Variants in EFR3A observed in about 807,000 individuals in gnomAD.
The protein encoded by EFR3A is EFR3 homolog A.
In EFR3A, 76 loss-of-function variants were observed where a neutral mutation model predicts 104.4. The ratio of observed to expected loss-of-function variants is 0.73; its 90% CI spans 0.60 to 0.88. EFR3A has a LOEUF of 0.88. Among genes scored for constraint, EFR3A ranks in the 40% least tolerant of loss-of-function variants. The pLI, the probability that EFR3A is intolerant of heterozygous loss-of-function variation, is 0.00. For missense variants in EFR3A, 985 were observed against 1,012.5 expected (o/e 0.97, Z 0.37); for synonymous variants, 330 against 330.0 (o/e 1.00, Z 0.00).
intron 2 of EFR3A, 42 bp downstream of exon 2, chr8:131,940,617 C>G: frequency 6.4e-7 from 1 of 1,574,744 alleles, no homozygotes; most frequent in Non-Finnish European, 8.6e-7. Flanking sequence ...TTTGCTGACC[C>G]ATTCTGCCCC....
intron 1 of EFR3A, among the ~76,000 whole-genome samples, chr8:131,919,315 T>C (rs922698266): frequency 6.6e-6 from 1 of 152,128 alleles, no homozygotes; most frequent in Non-Finnish European, 1.5e-5. Flanking sequence ...TTACCTGTTT[T>C]GGCCGGGTGC....
At chr8:131,919,425 G>A (rs1473245859) in intron 1 of EFR3A, among the ~76,000 whole-genome samples, 3 of 151,710 alleles carry the variant, frequency 2.0e-5, no homozygotes, top group Non-Finnish European at 2.9e-5. Context: ...GTGAAACCCC[G>A]TCTCTACTAA....
chr8:131,944,981 G>A, intron 3 of EFR3A, 109 bp downstream of exon 3: 2 of 1,215,998 alleles, frequency 1.6e-6, no homozygotes, highest in Admixed American at 2.8e-5. Flanking sequence ...ATAATATATA[G>A]AGGATAAAAC....
At chr8:131,914,892 A>G (rs906117722) in intron 1 of EFR3A, among the ~76,000 whole-genome samples, 1 of 152,216 alleles carries the variant, frequency 6.6e-6, no homozygotes, top group East Asian at 1.9e-4. Flanking sequence ...TCCCACTTAT[A>G]AATAAGAACG....
chr8:131,940,764 C>G (rs975983721), intron 2 of EFR3A, 189 bp downstream of exon 2: 1 of 966,244 alleles, frequency 1.0e-6, no homozygotes, highest in Non-Finnish European at 1.4e-6. Context: ...GTTTTCAGAT[C>G]CTTTTAGTAG....
chr8:131,911,712 A>G (rs575818362), intron 1 of EFR3A, among the ~76,000 whole-genome samples: 64 of 152,340 alleles, frequency 4.2e-4, no homozygotes, highest in Non-Finnish European at 7.9e-4. Context: ...GCTTAGGTTC[A>G]ACAAAGTATG....
intron 11 of EFR3A, among the ~76,000 whole-genome samples, chr8:131,976,727 ATTATT>A (rs1264618760): frequency 6.6e-6 from 1 of 152,002 alleles, no homozygotes; most frequent in Non-Finnish European, 1.5e-5. Context: ...CTATGTAGTA[ATTATT>A]TTCTCCAATT....
At chr8:131,953,585 C>T (rs1047624570) in intron 5 of EFR3A, among the ~76,000 whole-genome samples, 5 of 151,996 alleles carry the variant, frequency 3.3e-5, no homozygotes, top group African/African-American at 1.2e-4. Flanking sequence ...GTCCTTTTAA[C>T]GTTTTAAATG....
intron 10 of EFR3A, among the ~76,000 whole-genome samples, chr8:131,974,250 G>T (rs1820214555): frequency 6.6e-6 from 1 of 152,176 alleles, no homozygotes; most frequent in Non-Finnish European, 1.5e-5. Context: ...TGGATTAGAG[G>T]AAACTATTCC....
chr8:131,940,316 G>T, intron 1 of EFR3A, 183 bp from the exon 2 acceptor site: 1 of 619,044 alleles, frequency 1.6e-6, no homozygotes, highest in Non-Finnish European at 2.7e-6. Flanking sequence ...GTGTGTCTTT[G>T]GAGTAAGGAT....
chr8:131,934,794 CAT>C (rs1817793806), intron 1 of EFR3A, among the ~76,000 whole-genome samples: 1 of 151,910 alleles, frequency 6.6e-6, no homozygotes, highest in African/African-American at 2.4e-5. Context: ...CTGTGTATTA[CAT>C]ATATGTGTAT....
intron 22 of EFR3A, among the ~76,000 whole-genome samples, chr8:132,003,849 C>G (rs1179233195): frequency 2.0e-5 from 3 of 152,178 alleles, no homozygotes; most frequent in African/African-American, 7.2e-5. Flanking sequence ...GAGGCAAACT[C>G]TAGGTTCCAT....
chr8:131,912,289 G>A (rs1210805390), intron 1 of EFR3A, among the ~76,000 whole-genome samples: 1 of 152,154 alleles, frequency 6.6e-6, no homozygotes, highest in Non-Finnish European at 1.5e-5. Context: ...AGGGGTGGGA[G>A]ATAAGCAGGA....
chr8:132,010,446 A>ATATATATATATG (rs1822284132), intron 22 of EFR3A, among the ~76,000 whole-genome samples: 2 of 131,130 alleles, frequency 1.5e-5, no homozygotes, highest in Non-Finnish European at 3.3e-5. Flanking sequence ...ATATATATAT[A>ATATATATATATG]TATAATGAAA....
intron 14 of EFR3A, among the ~76,000 whole-genome samples, chr8:131,980,713 A>G (rs1179989399): frequency 6.6e-6 from 1 of 152,088 alleles, no homozygotes; most frequent in Non-Finnish European, 1.5e-5. Context: ...ACAATACACT[A>G]TTATTGACTA....
Position 131,931,828 on chromosome 8 carries a change from G to A in EFR3A, c.11-8671G>A, listed in dbSNP as rs927498651. On this transcript the variant is annotated intron_variant, in intron 1 of 22. Coordinates refer to ENST00000254624, the MANE Select transcript of EFR3A (RefSeq NM_015137.6). ...GTCTTCATCTTTTTCTGCCCTGACT[G>A]GATTCTTGCTGCTTTTCTTCATTTT... Among the ~76,000 whole-genome samples the A allele has an allele frequency of 2.6e-5, 4 of 152,100 alleles. No homozygotes were observed. In the South Asian group the frequency reaches 8.3e-4, roughly 32 times the overall value.
intron 2 of EFR3A, among the ~76,000 whole-genome samples, chr8:131,940,907 A>G (rs1467964766): frequency 1.3e-5 from 2 of 152,086 alleles, no homozygotes; most frequent in Admixed American, 1.3e-4. Context: ...CTAAGTGCTC[A>G]TGATACCACT....
Position 132,013,195 on chromosome 8 carries a change from C to CT in EFR3A, c.*2305dup, listed in dbSNP as rs1447203789. On this transcript the variant is annotated 3_prime_UTR_variant, in exon 23 of 23. Transcript: ENST00000254624. ...AACTCAATAAATTGTTAATCATTCT[C>CT]TTTTTGCTGTATAGAATTGCTTATA... is the stretch of plus-strand genomic sequence containing the variant. The CT allele has an allele frequency of 2.0e-5, 3 of 152,384 alleles. No individual in the cohort carries two copies. Among genetic ancestry groups the CT allele is most frequent in the African/African-American group, 7.2e-5 (3 of 41,446 alleles). 9.4% of individuals were successfully genotyped at this position (152,384 alleles called of 1,614,324 possible).
intron 1 of EFR3A, among the ~76,000 whole-genome samples, chr8:131,920,865 T>C (rs899186415): frequency 9.2e-5 from 14 of 152,096 alleles, no homozygotes; most frequent in Admixed American, 7.2e-4. Flanking sequence ...ACCTACCTCA[T>C]AGGGTCATTC....
Sources: gnomAD v4.1 joint callset for allele counts (sites outside exome capture counted in the v4.1 genomes callset) on GRCh38, gnomAD v4.1.1 for gene constraint, MANE v1.5 for transcripts, NCBI Gene and HGNC (gene_info 2026-07-23, HGNC 2026-07-21) for gene names.